The following COMTD1 variants were observed in gnomAD, a reference collection of about 807,000 sequenced individuals.
The protein encoded by COMTD1 is catechol O-methyltransferase domain-containing protein 1.
Under a neutral mutation model 33.6 loss-of-function variants are expected in COMTD1, and 35 were observed. The ratio of observed to expected loss-of-function variants is 1.04; its 90% CI spans 0.80 to 1.38. The LOEUF (loss-of-function observed/expected upper bound fraction) is 1.38. COMTD1 is among the 40% of genes most tolerant of loss of function. COMTD1 has a pLI of 0.00. For synonymous variants in COMTD1, 160 were observed against 176.8 expected (o/e 0.91, Z 0.75); for missense variants, 370 against 363.4 (o/e 1.02, Z -0.15).
rs940698501 is a variant in COMTD1, at chr10:75,235,901, C to T, written c.28G>A (p.Val10Met). The T allele has an allele frequency of 2.7e-5, 40 of 1,483,948 alleles. No individual in the cohort carries two copies. The highest frequency in any genetic ancestry group is 3.3e-5 in the Non-Finnish European group (37 of 1,126,084). The allele number at this position is 1,483,948 out of a possible 1,614,324, so 91.9% of individuals were successfully genotyped here. A position where few individuals can be genotyped will look rare whatever the true frequency, so the allele number is the denominator to read the frequency against. ...GAGCCCAGGGCCAGCGCGGCGGGCACGGAGAGCCGGGGCACCGGCTGGGTC... is the reference window on the plus strand; with the variant it reads ...GAGCCCAGGGCCAGCGCGGCGGGCATGGAGAGCCGGGGCACCGGCTGGGTC... MTQPVPRLS[V>M]PAALALGSAA... Residue 10 changes from valine to methionine, a missense_variant, in exon 1 of 7, where the codon GTG becomes ATG. By Grantham distance (21) the Val-to-Met change is conservative. Transcript: ENST00000372538.
Position 75,235,275 on chromosome 10 carries a change from A to G in COMTD1, c.320T>C (p.Leu107Pro). 1 of 1,568,434 alleles carries G rather than the reference A, an allele frequency of 6.4e-7. No homozygotes were observed. The highest frequency in any genetic ancestry group is 8.6e-7 in the Non-Finnish European group (1 of 1,160,576). ...LARLIQAKKA[L>P]DLGTFTGYSA... ...CGGCCGCGTGCCCCTACCCAGGTCC[A>G]GCGCCTTCTTGGCCTGGATGAGCCG... Residue 107 changes from leucine to proline, a missense_variant, in exon 3 of 7, where the codon CTG (leucine) becomes CCG (proline). Physicochemically the swap from Leu to Pro is moderately conservative, Grantham distance 98 (BLOSUM62 -3). Coordinates refer to ENST00000372538, the MANE Select transcript of COMTD1 (RefSeq NM_144589.4).
Position 75,235,675 on chromosome 10 carries a change from A to G in COMTD1, c.163T>C (p.Trp55Arg), listed in dbSNP as rs1360617923. ...CLLPPEDSRL[W>R]QYLLSRSMRE... ...ATGGAGCGGCTCAGAAGATACTGCCACAGGCGGCTGTCCTCGGGGGGAAGC... is the reference window on the plus strand; with the variant it reads ...ATGGAGCGGCTCAGAAGATACTGCCGCAGGCGGCTGTCCTCGGGGGGAAGC... Residue 55 changes from tryptophan (W) to arginine (R), a missense_variant, in exon 2 of 7, where the codon TGG (tryptophan) becomes CGG (arginine). Coordinates refer to ENST00000372538, the MANE Select transcript of COMTD1 (RefSeq NM_144589.4). 2 of 1,598,058 alleles carry G rather than the reference A, an allele frequency of 1.3e-6. No individual in the cohort carries two copies. Among genetic ancestry groups the G allele is most frequent in the Admixed American group, 3.4e-5 (2 of 58,378 alleles).
Position 75,235,730 on chromosome 10 carries a change from G to T in COMTD1, c.108C>A (p.Pro36=), listed in dbSNP as rs768101680. 2.5e-6 allele frequency: 4 copies of T among 1,602,042 alleles called. No homozygotes were observed. In the East Asian group the frequency reaches 9.0e-5, roughly 36 times the overall value. The change falls in exon 2 of 7, where the codon CCC becomes CCA. Residue 36 remains proline, a synonymous_variant. Coordinates refer to ENST00000372538, the MANE Select transcript of COMTD1 (RefSeq NM_144589.4). The part of the protein sequence containing the change: ...ATGLFLGRRC[P]PWRGRREQCL... ...ACTGCTCTCGCCGGCCTCGCCATGGGGGGCACCGCCTCCCTGACGGGGAGA... is the reference window on the plus strand; with the variant it reads ...ACTGCTCTCGCCGGCCTCGCCATGGTGGGCACCGCCTCCCTGACGGGGAGA...
chr10:75,235,698 A>G lies in COMTD1; in HGVS notation c.140T>C (p.Leu47Pro), dbSNP rs756525569. 40 of 1,598,222 alleles carry G rather than the reference A, an allele frequency of 2.5e-5. No homozygotes were observed. In the Admixed American group the frequency reaches 6.5e-4, roughly 26 times the overall value. Residue 47 changes from leucine to proline, a missense_variant, in exon 2 of 7, where the codon CTT becomes CCT. Physicochemically the swap from Leu to Pro is moderately conservative, Grantham distance 98 (BLOSUM62 -3). Coordinates refer to ENST00000372538, the MANE Select transcript of COMTD1 (RefSeq NM_144589.4). ...CCACAGGCGGCTGTCCTCGGGGGGA[A>G]GCAGGCACTGCTCTCGCCGGCCTCG... ...PWRGRREQCLLPPEDSRLWQY... is the reference protein window; with the variant it reads ...PWRGRREQCLPPPEDSRLWQY...
At chr10:75,234,320 G>A (rs1842154400) in intron 6 of COMTD1, 95 bp from the exon 7 acceptor site, 3 of 1,322,736 alleles carry the variant, frequency 2.3e-6, no homozygotes, top group Non-Finnish European at 3.1e-6. Context: ...AGGTGCCCGG[G>A]CGGGAGGCGG....
At position 75,235,871 on chromosome 10, in the gene COMTD1, C is replaced by A; in HGVS notation, c.58G>T (p.Ala20Ser). 5 of 1,515,420 alleles carry A rather than the reference C, an allele frequency of 3.3e-6. No individual in the cohort carries two copies. Among genetic ancestry groups the A allele is most frequent in the Non-Finnish European group, 4.4e-6 (5 of 1,137,626 alleles). 93.9% of individuals were successfully genotyped at this position (1,515,420 alleles called of 1,614,324 possible). The stretch of plus-strand genomic sequence containing the variant: ...CCAGTGGCGAAGGCGGCGCCCAGTG[C>A]GGCTGAGCCCAGGGCCAGCGCGGCG... ...VPAALALGSA[A>S]LGAAFATGLF... Residue 20 changes from alanine (A) to serine (S), a missense_variant, in exon 1 of 7, where the codon GCA becomes TCA. By Grantham distance (99) the Ala-to-Ser change is moderately conservative. Coordinates refer to ENST00000372538, the MANE Select transcript of COMTD1 (RefSeq NM_144589.4).
Position 75,233,817 on chromosome 10 carries a change from G to T in COMTD1, c.*256C>A. ...CAGGCCAGTTAAAACTTTATAACCTGCCTCCTGCCAGCTGGAGGTTCCTGC... is the reference window on the plus strand; with the variant it reads ...CAGGCCAGTTAAAACTTTATAACCTTCCTCCTGCCAGCTGGAGGTTCCTGC... On this transcript the variant is annotated 3_prime_UTR_variant, in exon 7 of 7. Coordinates refer to ENST00000372538, the MANE Select transcript of COMTD1 (RefSeq NM_144589.4). The T allele has an allele frequency of 1.2e-6, 1 of 849,852 alleles. No homozygotes were observed. Among genetic ancestry groups the T allele is most frequent in the Non-Finnish European group, 1.7e-6 (1 of 580,584 alleles). The allele number at this position is 849,852 out of a possible 1,614,324, so 52.6% of individuals were successfully genotyped here.
At position 75,235,326 on chromosome 10, in the gene COMTD1, T is replaced by G; in HGVS notation, c.269A>C (p.Gln90Pro). 6.3e-7 allele frequency: 1 copy of G among 1,594,434 alleles called. No individual in the cohort carries two copies. Among genetic ancestry groups the G allele is most frequent in the Non-Finnish European group, 8.5e-7 (1 of 1,173,238 alleles). The change falls in exon 3 of 7, where the codon CAG (glutamine) becomes CCG (proline). Residue 90 changes from glutamine to proline, a missense_variant. Coordinates refer to ENST00000372538, the MANE Select transcript of COMTD1 (RefSeq NM_144589.4). ...PQGDSMMTCE[Q>P]AQLLANLARL... ...CGCCAGGTTGGCCAAGAGCTGGGCC[T>G]GCTCGCAGGTCATCATAGAATCCCC...
At position 75,235,358 on chromosome 10, in the gene COMTD1, C is replaced by G. The variant is rs1004777679; in HGVS notation, c.237G>C (p.Gln79His). 6.3e-7 allele frequency: 1 copy of G among 1,577,610 alleles called. No individual in the cohort carries two copies. Among genetic ancestry groups the G allele is most frequent in the South Asian group, 1.2e-5 (1 of 86,324 alleles). Residue 79 changes from glutamine to histidine, a missense_variant, in exon 3 of 7, where the codon CAG becomes CAC. Physicochemically the swap from Gln to His is conservative, Grantham distance 24. Coordinates refer to ENST00000372538, the MANE Select transcript of COMTD1 (RefSeq NM_144589.4). ...LRSLRLLTLE[Q>H]PQGDSMMTCE... The stretch of plus-strand genomic sequence containing the variant: ...AGGTCATCATAGAATCCCCCTGCGG[C>G]TGCTCCAGGGTCAGCTGCGTGAAAG...
chr10:75,235,872 G>C lies in COMTD1; in HGVS notation c.57C>G (p.Ala19=). ...SVPAALALGS[A]ALGAAFATGL... is the part of the protein sequence containing the mutation. ...CAGTGGCGAAGGCGGCGCCCAGTGCGGCTGAGCCCAGGGCCAGCGCGGCGG... is the reference window on the plus strand; with the variant it reads ...CAGTGGCGAAGGCGGCGCCCAGTGCCGCTGAGCCCAGGGCCAGCGCGGCGG... The change falls in exon 1 of 7, where the codon GCC becomes GCG. Residue 19 remains alanine (A), a synonymous_variant. Transcript: ENST00000372538. 6.6e-7 allele frequency: 1 copy of C among 1,521,414 alleles called. No homozygotes were observed. Among genetic ancestry groups the C allele is most frequent in the Non-Finnish European group, 8.8e-7 (1 of 1,140,664 alleles). 94.2% of individuals were successfully genotyped at this position (1,521,414 alleles called of 1,614,324 possible). A position where few individuals can be genotyped will look rare whatever the true frequency, so the allele number is the denominator to read the frequency against.
chr10:75,234,469 G>A, intron 6 of COMTD1, 141 bp downstream of exon 6: 2 of 1,302,110 alleles, frequency 1.5e-6, no homozygotes, highest in Non-Finnish European at 2.1e-6. Flanking sequence ...GAAAGCCTGG[G>A]TACCGGGGCC....
In COMTD1 at chr10:75,233,898, T is replaced by G; in HGVS notation, c.*175A>C. On this transcript the variant is annotated 3_prime_UTR_variant, in exon 7 of 7. Coordinates refer to ENST00000372538, the MANE Select transcript of COMTD1 (RefSeq NM_144589.4). ...GGACGAATCTCAAGGCCCCTTTCAC[T>G]GAAGGCAGGAGCTGTCTGTGCTGGG... The G allele has an allele frequency of 6.9e-7, 1 of 1,445,492 alleles. No homozygotes were observed. Among genetic ancestry groups the G allele is most frequent in the Non-Finnish European group, 9.1e-7 (1 of 1,099,972 alleles). 89.5% of individuals were successfully genotyped at this position (1,445,492 alleles called of 1,614,324 possible). A position where few individuals can be genotyped will look rare whatever the true frequency, so the allele number is the denominator to read the frequency against.
chr10:75,234,548 G>A, intron 6 of COMTD1, 62 bp downstream of exon 6: 1 of 1,507,472 alleles, frequency 6.6e-7, no homozygotes, highest in African/African-American at 1.4e-5. Context: ...GAGGAGTCAA[G>A]GGAAAAGATG....
Position 75,234,064 on chromosome 10 carries a change from G to C in COMTD1, c.*9C>G. On this transcript the variant is annotated 3_prime_UTR_variant, in exon 7 of 7. Coordinates refer to ENST00000372538, the MANE Select transcript of COMTD1 (RefSeq NM_144589.4). ...ACCCTCCCTCGAGCCCACTCACTAG[G>C]GGCCAGCCCTAGATCTTGAAGGCCA... The C allele has an allele frequency of 6.2e-7, 1 of 1,613,982 alleles. No homozygotes were observed. The highest frequency in any genetic ancestry group is 1.1e-5 in the South Asian group (1 of 91,090).
Position 75,235,750 on chromosome 10 carries a change from G to A in COMTD1, c.95-7C>T. 3 of 1,596,602 alleles carry A rather than the reference G, an allele frequency of 1.9e-6. No individual in the cohort carries two copies. Among genetic ancestry groups the A allele is most frequent in the Non-Finnish European group, 2.6e-6 (3 of 1,173,350 alleles). On this transcript the variant is annotated splice_polypyrimidine_tract_variant and splice_region_variant and intron_variant, in intron 1 of 6. Coordinates refer to ENST00000372538, the MANE Select transcript of COMTD1 (RefSeq NM_144589.4). Reference sequence around the variant, plus strand: ...CATGGGGGGCACCGCCTCCCTGACGGGGAGAGGGTGTTGGATTAACCTGAG... The same window carrying A: ...CATGGGGGGCACCGCCTCCCTGACGAGGAGAGGGTGTTGGATTAACCTGAG...
chr10:75,234,302 TG>T, intron 6 of COMTD1, 77 bp from the exon 7 acceptor site: 1 of 1,218,014 alleles, frequency 8.2e-7, no homozygotes, highest in Non-Finnish European at 1.1e-6. Flanking sequence ...GGCGGGGGAC[TG>T]GGAGGGAGGT....
chr10:75,234,296 G>C, intron 6 of COMTD1, 71 bp from the exon 7 acceptor site: 1 of 1,502,300 alleles, frequency 6.7e-7, no homozygotes, highest in South Asian at 1.2e-5. Flanking sequence ...GCGGAAGGCG[G>C]GGGACTGGGA....
Position 75,234,729 on chromosome 10 carries a change from C to T in COMTD1, c.517G>A (p.Ala173Thr). 6.3e-7 allele frequency: 1 copy of T among 1,589,520 alleles called. No individual in the cohort carries two copies. Among genetic ancestry groups the T allele is most frequent in the Non-Finnish European group, 8.5e-7 (1 of 1,169,694 alleles). Residue 173 changes from alanine (A) to threonine (T), a missense_variant, in exon 6 of 7, where the codon GCG becomes ACG. Ala to Thr is a moderately conservative substitution (Grantham distance 58). Coordinates refer to ENST00000372538, the MANE Select transcript of COMTD1 (RefSeq NM_144589.4). ...ALETLDELLA[A>T]GEAGTFDVAV... The stretch of plus-strand genomic sequence containing the variant: ...ACGTCGAAGGTGCCGGCCTCGCCCG[C>T]CGCCAGCAGCTCGTCTTGCGGGGGG...
At chr10:75,234,430 C>T in intron 6 of COMTD1, 180 bp downstream of exon 6, 1 of 1,127,208 alleles carries the variant, frequency 8.9e-7, no homozygotes, top group Non-Finnish European at 1.2e-6. Context: ...CAGGAGGTGA[C>T]CAGAGCTGGA....
Sources: allele counts gnomAD v4.1 joint callset, GRCh38; gene constraint gnomAD v4.1.1; transcripts MANE v1.5; gene names NCBI Gene and HGNC (gene_info 2026-07-23, HGNC 2026-07-21).